The following ATXN1 variants were observed in gnomAD, a reference collection of about 807,000 sequenced individuals.
The protein encoded by ATXN1 is ataxin 1.
A neutral mutation model predicts 56.4 loss-of-function variants in ATXN1; 8 were observed. That is an observed-to-expected ratio of 0.14 (90% CI 0.08 to 0.26). The LOEUF is 0.26. Ranked by LOEUF, ATXN1 falls within the 10% of genes least tolerant of loss-of-function variation. The pLI is 1.00. For synonymous variants in ATXN1, 514 were observed against 494.6 expected, an observed-to-expected ratio of 1.04 and a Z score of -0.52; for missense variants, 987 against 1,106.5, an observed-to-expected ratio of 0.89 and a Z score of 1.53.
At position 16,493,981 on chromosome 6, in the gene ATXN1, C is replaced by T. The variant is rs539213851; in HGVS notation, c.-298-7872G>A. On this transcript the variant is annotated intron_variant, in intron 5 of 7. Transcript: ENST00000436367. ...TTCAGAAATGCTTCCTCTGAATGAGCACACTCAGCCCAGCAGGGTGCAGAG... is the reference window on the plus strand; with the variant it reads ...TTCAGAAATGCTTCCTCTGAATGAGTACACTCAGCCCAGCAGGGTGCAGAG... Among the ~76,000 whole-genome samples, 5 of 152,316 alleles carry T rather than the reference C, an allele frequency of 3.3e-5. No individual in the cohort carries two copies. In the South Asian group the frequency reaches 1.0e-3, roughly 32 times the overall value.
chr6:16,593,832 T>C (rs1340384229), intron 3 of ATXN1, among the ~76,000 whole-genome samples: 1 of 119,590 alleles, frequency 8.4e-6, no homozygotes, highest in African/African-American at 3.2e-5. Flanking sequence ...TATATATGTA[T>C]GTATGTACGT....
At position 16,714,772 on chromosome 6, in the gene ATXN1, A is replaced by AG. The variant is rs551327883; in HGVS notation, c.-615+38460dup. Among the ~76,000 whole-genome samples the AG allele has an allele frequency of 3.4e-4, 52 of 152,192 alleles. No individual in the cohort carries two copies. The South Asian group carries it at 3.9e-3, about 12-fold the overall frequency. ...TAATTCTAATTTTTCTGTGTTTCAA[A>AG]GGGGGGGCTATTAATTTATTAAATT... is the stretch of plus-strand genomic sequence containing the variant. On this transcript the variant is annotated intron_variant, in intron 2 of 7. Transcript: ENST00000436367.
At chr6:16,636,261 G>C (rs1027596921) in intron 3 of ATXN1, among the ~76,000 whole-genome samples, 5 of 152,176 alleles carry the variant, frequency 3.3e-5, no homozygotes, top group African/African-American at 1.2e-4. Flanking sequence ...CAGAGAGGTT[G>C]GTAACTTTCC....
At chr6:16,597,910 G>A (rs908858705) in intron 3 of ATXN1, among the ~76,000 whole-genome samples, 1 of 151,470 alleles carries the variant, frequency 6.6e-6, no homozygotes, top group African/African-American at 2.4e-5. Context: ...ACTGCTGGAA[G>A]GAGAAGCCAA....
chr6:16,381,633 A>G (rs1050737636), intron 6 of ATXN1, among the ~76,000 whole-genome samples: 1 of 152,234 alleles, frequency 6.6e-6, no homozygotes, highest in Non-Finnish European at 1.5e-5. Context: ...TATCAACAAC[A>G]TTCACTTCCT....
At chr6:16,510,180 T>C (rs1290381767) in intron 5 of ATXN1, among the ~76,000 whole-genome samples, 1 of 152,240 alleles carries the variant, frequency 6.6e-6, no homozygotes. Flanking sequence ...AAATCAAATA[T>C]GGCTTCTGTC....
At chr6:16,549,294 C>T (rs1475338323) in intron 4 of ATXN1, among the ~76,000 whole-genome samples, 1 of 152,134 alleles carries the variant, frequency 6.6e-6, no homozygotes, top group African/African-American at 2.4e-5. Flanking sequence ...ATGTGCTCTA[C>T]TCTTACATGA....
At chr6:16,330,691 G>T (rs1215370374) in intron 6 of ATXN1, among the ~76,000 whole-genome samples, 1 of 152,132 alleles carries the variant, frequency 6.6e-6, no homozygotes, top group Non-Finnish European at 1.5e-5. Flanking sequence ...CTTGGAAGGG[G>T]CAATGATTTA....
At chr6:16,569,377 T>G (rs1402885275) in intron 4 of ATXN1, among the ~76,000 whole-genome samples, 1 of 151,744 alleles carries the variant, frequency 6.6e-6, no homozygotes, top group African/African-American at 2.4e-5. Flanking sequence ...AATAAAAAAT[T>G]TAGCTGGGCA....
intron 6 of ATXN1, among the ~76,000 whole-genome samples, chr6:16,386,578 G>A (rs1352136689): frequency 1.3e-5 from 2 of 152,102 alleles, no homozygotes; most frequent in African/African-American, 4.8e-5. Flanking sequence ...AGTCAGGAGA[G>A]CAAATGTGGG....
intron 6 of ATXN1, among the ~76,000 whole-genome samples, chr6:16,339,921 T>A (rs908391531): frequency 9.2e-5 from 14 of 152,218 alleles, no homozygotes; most frequent in Admixed American, 1.3e-4. Flanking sequence ...AAGCTGGGAC[T>A]ACAGGCGCAT....
At chr6:16,651,311 T>G (rs1229125587) in intron 3 of ATXN1, among the ~76,000 whole-genome samples, 2 of 152,012 alleles carry the variant, frequency 1.3e-5, no homozygotes, top group Non-Finnish European at 2.9e-5. Context: ...TTGGGAGGCT[T>G]AGGCAGGCGG....
chr6:16,535,342 G>A (rs1013384373), intron 4 of ATXN1, among the ~76,000 whole-genome samples: 6 of 152,192 alleles, frequency 3.9e-5, no homozygotes, highest in Admixed American at 1.3e-4. Flanking sequence ...TATCCAAGAT[G>A]AGCATGGAGC....
Position 16,327,598 on chromosome 6 carries a change from G to T in ATXN1, c.713C>A (p.Ser238Tyr). Residue 238 changes from serine to tyrosine, a missense_variant, in exon 7 of 8, where the codon TCC becomes TAC. By Grantham distance (144) the Ser-to-Tyr change is moderately radical. This residue lies in a region of ATXN1 where 723 missense variants were observed against 791.7 expected (regional missense o/e 0.91). Coordinates refer to ENST00000436367, the MANE Select transcript of ATXN1 (RefSeq NM_001128164.2). Reference sequence around the variant, plus strand: ...CTGGTTCTGCTGGGCTGGTGGGGGGGACCCCGGGGTGATGAGCCCCGGAGC... The same window carrying T: ...CTGGTTCTGCTGGGCTGGTGGGGGGTACCCCGGGGTGATGAGCCCCGGAGC... ...SRAPGLITPG[S>Y]PPPAQQNQYV... The T allele has an allele frequency of 3.1e-6, 5 of 1,593,666 alleles. No homozygotes were observed. Among genetic ancestry groups the T allele is most frequent in the South Asian group, 1.1e-5 (1 of 89,368 alleles).
chr6:16,677,943 G>A (rs898126214), intron 2 of ATXN1, among the ~76,000 whole-genome samples: 6 of 152,160 alleles, frequency 3.9e-5, no homozygotes, highest in African/African-American at 7.2e-5. Context: ...TGGTGCACTC[G>A]AATGAGATTT....
intron 6 of ATXN1, among the ~76,000 whole-genome samples, chr6:16,392,542 T>C (rs1453983194): frequency 6.6e-6 from 1 of 151,822 alleles, no homozygotes; most frequent in Non-Finnish European, 1.5e-5. Flanking sequence ...ATAGCCCAGG[T>C]TGGAGTGAAG....
Position 16,326,082 on chromosome 6 carries a change from C to T in ATXN1, c.1917+312G>A, listed in dbSNP as rs1760797426. On this transcript the variant is annotated intron_variant, in intron 7 of 7. Coordinates refer to ENST00000436367, the MANE Select transcript of ATXN1 (RefSeq NM_001128164.2). The surrounding 1 kb of genome is among the most constrained non-coding windows in gnomAD (Gnocchi z 6.6). ...AGGACCTGAAGTCCAGCAGCGTTTCCTAATCAGGGTTCCTCATCTTAATCA... is the reference window on the plus strand; with the variant it reads ...AGGACCTGAAGTCCAGCAGCGTTTCTTAATCAGGGTTCCTCATCTTAATCA... 6.6e-6 allele frequency among the ~76,000 whole-genome samples: 1 copy of T among 152,192 alleles called. No individual in the cohort carries two copies. The highest frequency in any genetic ancestry group is 1.5e-5 in the Non-Finnish European group (1 of 68,036).
At chr6:16,408,966 C>T (rs888804807) in intron 6 of ATXN1, among the ~76,000 whole-genome samples, 1 of 152,148 alleles carries the variant, frequency 6.6e-6, no homozygotes, top group Admixed American at 6.5e-5. Context: ...ACAGTAGGTG[C>T]TTCATAAAAA....
rs549567164 is a variant in ATXN1 at position 16,481,279 on chromosome 6, AT to A, written c.-161+4692del. 3.0e-4 allele frequency among the ~76,000 whole-genome samples: 45 copies of A among 150,180 alleles called. 1 individual carries two copies. In the South Asian group the frequency reaches 8.2e-3, roughly 27 times the overall value. ...CTCCTGACCCTCTTATCTACTTCAG[AT>A]TTTTTTTTTGTAACGCTGGAGAATT... On this transcript the variant is annotated intron_variant, in intron 6 of 7. Coordinates refer to ENST00000436367, the MANE Select transcript of ATXN1 (RefSeq NM_001128164.2).
Sources: allele counts gnomAD v4.1 joint callset (sites outside exome capture counted in the v4.1 genomes callset), GRCh38; gene constraint gnomAD v4.1.1; regional missense constraint gnomAD v4.1.1; non-coding constraint Gnocchi (gnomAD v3.1); transcripts MANE v1.5; gene names NCBI Gene and HGNC (gene_info 2026-07-23, HGNC 2026-07-21).